TLK1: variants seen among roughly 807,000 people sequenced by gnomAD.
The protein encoded by TLK1 is tousled like kinase 1.
A neutral mutation model predicts 105.3 loss-of-function variants in TLK1; 24 were observed. The ratio of observed to expected loss-of-function variants is 0.23; its 90% CI spans 0.17 to 0.32. The LOEUF is 0.32. Ranked by LOEUF, TLK1 falls within the 10% of genes least tolerant of loss-of-function variation. The pLI, the probability that TLK1 is intolerant of heterozygous loss-of-function variation, is 1.00. For synonymous variants in TLK1, 321 were observed against 310.4 expected (o/e 1.03, Z -0.36); for missense variants, 558 against 910.5 (o/e 0.61, Z 4.98).
At chr2:171,040,276 T>C (rs1433531940) in intron 11 of TLK1, among the ~76,000 whole-genome samples, 1 of 152,216 alleles carries the variant, frequency 6.6e-6, no homozygotes, top group Non-Finnish European at 1.5e-5. Context: ...AAATCAGTTA[T>C]ACATTTGTCA....
In TLK1 at chr2:170,992,735, A is replaced by AT. The variant is rs796559557; in HGVS notation, c.*1044dup. 2 of 152,586 alleles carry AT rather than the reference A, an allele frequency of 1.3e-5. No homozygotes were observed. The highest frequency in any genetic ancestry group is 2.1e-4 in the South Asian group (1 of 4,828). The allele number at this position is 152,586 out of a possible 1,614,324, so 9.5% of individuals were successfully genotyped here. On this transcript the variant is annotated 3_prime_UTR_variant, in exon 21 of 21. Transcript: ENST00000431350. ...CAACTTGCACCTTCTAGGTCATTTA[A>AT]TTTTTTAGCAAAGAAGCAACATCAT...
chr2:171,109,685 A>G (rs1470585059), intron 2 of TLK1, among the ~76,000 whole-genome samples: 1 of 152,230 alleles, frequency 6.6e-6, no homozygotes, highest in Non-Finnish European at 1.5e-5. Context: ...AAACATTTGT[A>G]CCAAAATGTT....
chr2:171,117,382 C>A (rs1690480663), intron 2 of TLK1, among the ~76,000 whole-genome samples: 1 of 152,056 alleles, frequency 6.6e-6, no homozygotes, highest in Admixed American at 6.6e-5. Flanking sequence ...GTTGAGGACT[C>A]CTGGCCTAAA....
intron 2 of TLK1, among the ~76,000 whole-genome samples, chr2:171,095,878 A>G (rs1372102330): frequency 1.3e-5 from 2 of 152,166 alleles, no homozygotes; most frequent in African/African-American, 4.8e-5. Flanking sequence ...AACATAATAA[A>G]GGCAATAAAT....
At chr2:171,181,415 T>G (rs150752413) in intron 1 of TLK1, among the ~76,000 whole-genome samples, 1 of 152,336 alleles carries the variant, frequency 6.6e-6, no homozygotes, top group African/African-American at 2.4e-5. Flanking sequence ...CATATTAGCA[T>G]CAAAGAGTTT....
intron 13 of TLK1, among the ~76,000 whole-genome samples, chr2:171,013,126 C>T (rs1244549326): frequency 6.6e-6 from 1 of 151,636 alleles, no homozygotes. Context: ...GATTCTCCTG[C>T]CTCAGCCTCC....
At chr2:171,185,436 C>T (rs1693009200) in intron 1 of TLK1, among the ~76,000 whole-genome samples, 1 of 152,146 alleles carries the variant, frequency 6.6e-6, no homozygotes. Context: ...AGGATATTGA[C>T]ATATGACACT....
intron 20 of TLK1, 72 bp from the exon 21 acceptor site, chr2:170,994,028 C>T: frequency 1.4e-6 from 2 of 1,458,922 alleles, no homozygotes; most frequent in Non-Finnish European, 1.8e-6. Flanking sequence ...ACTGAATCAG[C>T]AGAAGGATGG....
rs544092615 is a variant in TLK1, at chr2:170,990,869, C to T, written c.*2911G>A. 7.4e-6 allele frequency: 1 copy of T among 134,542 alleles called. No homozygotes were observed. The highest frequency in any genetic ancestry group is 7.2e-5 in the Admixed American group (1 of 13,808). The allele number at this position is 134,542 out of a possible 1,614,324, so 8.3% of individuals were successfully genotyped here. On this transcript the variant is annotated 3_prime_UTR_variant, in exon 21 of 21. Transcript: ENST00000431350. ...TAATAAGTAATGATGAACAGCAAAA[C>T]AACACACAATATACTCTTTAAATGT...
intron 11 of TLK1, among the ~76,000 whole-genome samples, chr2:171,036,750 T>G (rs1317630123): frequency 6.6e-6 from 1 of 152,198 alleles, no homozygotes; most frequent in Non-Finnish European, 1.5e-5. Flanking sequence ...GTCTCACTCA[T>G]ATCTCATTTA....
chr2:171,200,112 A>G (rs1239259815), intron 1 of TLK1, among the ~76,000 whole-genome samples: 1 of 152,238 alleles, frequency 6.6e-6, no homozygotes, highest in Non-Finnish European at 1.5e-5. Flanking sequence ...TTAGAAAATA[A>G]AGCCCTGTTT....
intron 10 of TLK1, among the ~76,000 whole-genome samples, chr2:171,047,555 A>ATCT (rs1356937402): frequency 5.3e-5 from 8 of 152,244 alleles, no homozygotes; most frequent in Non-Finnish European, 1.2e-4. Context: ...GAAGATTGAA[A>ATCT]GGGTAGAGAA....
chr2:171,020,550 A>T (rs1296561041), intron 12 of TLK1, among the ~76,000 whole-genome samples: 1 of 152,000 alleles, frequency 6.6e-6, no homozygotes, highest in Non-Finnish European at 1.5e-5. Flanking sequence ...AAAAAAAAGA[A>T]AAAAAGAAAA....
chr2:171,186,699 G>A (rs1418243818), intron 1 of TLK1, among the ~76,000 whole-genome samples: 3 of 152,098 alleles, frequency 2.0e-5, no homozygotes, highest in Non-Finnish European at 4.4e-5. Context: ...TAATCACTTT[G>A]TAATCACTTT....
chr2:171,083,150 T>G (rs1688822772), intron 2 of TLK1, among the ~76,000 whole-genome samples: 1 of 152,176 alleles, frequency 6.6e-6, no homozygotes, highest in African/African-American at 2.4e-5. Context: ...ATTGTTAGGA[T>G]GACAAGATCC....
At chr2:171,212,897 T>TG (rs1693645913) in intron 1 of TLK1, among the ~76,000 whole-genome samples, 1 of 11,914 alleles carries the variant, frequency 8.4e-5, no homozygotes, top group African/African-American at 1.2e-4. Flanking sequence ...GTTTTGTTTT[T>TG]TTTTAAAAAA....
At chr2:171,020,044 A>C (rs1431342436) in intron 12 of TLK1, among the ~76,000 whole-genome samples, 1 of 147,838 alleles carries the variant, frequency 6.8e-6, no homozygotes, top group Non-Finnish European at 1.5e-5. Context: ...CCTGGGTGAC[A>C]GAGTAAGACT....
chr2:171,068,325 G>A (rs536302621), intron 3 of TLK1, among the ~76,000 whole-genome samples: 12 of 151,968 alleles, frequency 7.9e-5, no homozygotes, highest in South Asian at 4.2e-4. Flanking sequence ...GCAAAACTCC[G>A]CCTCAAAAAC....
At chr2:171,172,006 C>G (rs1425940451) in intron 1 of TLK1, among the ~76,000 whole-genome samples, 2 of 152,120 alleles carry the variant, frequency 1.3e-5, no homozygotes, top group African/African-American at 4.8e-5. Flanking sequence ...GTAATAGCCC[C>G]AAACTAGAAA....
Sources: allele counts gnomAD v4.1 joint callset (sites outside exome capture counted in the v4.1 genomes callset), GRCh38; gene constraint gnomAD v4.1.1; transcripts MANE v1.5; gene names NCBI Gene and HGNC (gene_info 2026-07-23, HGNC 2026-07-21).